SCN11A: variants seen among roughly 807,000 people sequenced by gnomAD.
SCN11A encodes the protein sodium voltage-gated channel alpha subunit 11, also known as sodium channel protein type 11 subunit alpha.
SCN11A carries 122 observed loss-of-function variants against 162.2 expected under a neutral mutation model. That is an observed-to-expected ratio of 0.75 (90% CI 0.65 to 0.87). SCN11A has a LOEUF of 0.87. SCN11A is among the 40% of genes least tolerant of loss of function. The pLI is 0.00. For missense variants in SCN11A, 2,015 were observed against 2,181.6 expected (o/e 0.92, Z 1.52); for synonymous variants, 758 against 751.5 (o/e 1.01, Z -0.14).
At position 38,948,322 on chromosome 3, in the gene SCN11A, G is replaced by T. The variant is rs140560880; in HGVS notation, c.268-1415C>A. ...CCTTTGATTTTGATATTTTATTGAT[G>T]CCTCTTCTTACTGCTTTAAATATTT... is the stretch of plus-strand genomic sequence containing the variant. On this transcript the variant is annotated intron_variant, in intron 5 of 29. Transcript: ENST00000302328. 2.7e-3 allele frequency among the ~76,000 whole-genome samples: 414 copies of T among 152,212 alleles called. 1 individual carries two copies. The highest frequency in any genetic ancestry group is 9.6e-3 in the African/African-American group (398 of 41,526).
At chr3:38,928,482 A>G (rs980971104) in intron 7 of SCN11A, among the ~76,000 whole-genome samples, 2 of 152,226 alleles carry the variant, frequency 1.3e-5, no homozygotes, top group African/African-American at 4.8e-5. Flanking sequence ...GCACACATAC[A>G]GCTATGTAAC....
chr3:38,861,275 C>T (rs566935875), intron 28 of SCN11A, among the ~76,000 whole-genome samples: 38 of 152,228 alleles, frequency 2.5e-4, no homozygotes, highest in African/African-American at 8.7e-4. Flanking sequence ...ATCCCCTGCT[C>T]ATGGATAGGT....
chr3:38,855,065 C>G (rs1381007325), intron 28 of SCN11A, among the ~76,000 whole-genome samples: 1 of 152,194 alleles, frequency 6.6e-6, no homozygotes, highest in African/African-American at 2.4e-5. Context: ...TGTGGGCAGA[C>G]AGGGAGGGAT....
chr3:38,990,653 C>A (rs1315211341), intron 2 of SCN11A, among the ~76,000 whole-genome samples: 1 of 152,136 alleles, frequency 6.6e-6, no homozygotes, highest in Admixed American at 6.5e-5. Flanking sequence ...ATGCTCTGTG[C>A]CAAATCCTGT....
At chr3:38,899,758 AGAG>A (rs1488861532) in intron 17 of SCN11A, 133 bp downstream of exon 17, 4 of 656,064 alleles carry the variant, frequency 6.1e-6, no homozygotes, top group African/African-American at 5.5e-5. Flanking sequence ...CTGTGCAGGA[AGAG>A]GAGTGCAGTT....
intron 10 of SCN11A, among the ~76,000 whole-genome samples, chr3:38,920,418 C>T (rs1490292886): frequency 6.6e-6 from 1 of 152,120 alleles, no homozygotes; most frequent in Non-Finnish European, 1.5e-5. Context: ...GTTGGCCGGG[C>T]ATGGTGGCTC....
intron 2 of SCN11A, among the ~76,000 whole-genome samples, chr3:38,993,405 C>T (rs1464476287): frequency 1.3e-5 from 2 of 152,320 alleles, no homozygotes; most frequent in African/African-American, 2.4e-5. Flanking sequence ...CAGGTTATGT[C>T]GTATAGCAGA....
chr3:39,032,953 A>G (rs940242656), intron 1 of SCN11A, among the ~76,000 whole-genome samples: 8 of 152,202 alleles, frequency 5.3e-5, no homozygotes, highest in South Asian at 2.1e-4. Context: ...GGAGTTCGAG[A>G]CCAGCCTGGC....
chr3:38,950,526 T>A, intron 4 of SCN11A, 157 bp from the exon 5 acceptor site: 1 of 686,738 alleles, frequency 1.5e-6, no homozygotes, highest in South Asian at 1.9e-5. Context: ...GCTGTGAAGA[T>A]CAGAAGAGAT....
chr3:39,021,155 G>T (rs1452566501), intron 2 of SCN11A, among the ~76,000 whole-genome samples: 2 of 152,090 alleles, frequency 1.3e-5, no homozygotes. Context: ...CACCAAGAAG[G>T]TAAGGGAAAC....
intron 23 of SCN11A, 138 bp from the exon 24 acceptor site, chr3:38,872,432 T>G: frequency 1.7e-6 from 1 of 584,674 alleles, no homozygotes; most frequent in Non-Finnish European, 3.2e-6. Flanking sequence ...GTGAAAGACA[T>G]AGAAAATCCG....
intron 2 of SCN11A, among the ~76,000 whole-genome samples, chr3:39,023,292 A>C (rs1301914678): frequency 6.6e-6 from 1 of 152,178 alleles, no homozygotes; most frequent in Non-Finnish European, 1.5e-5. Context: ...TTCCATAATA[A>C]AAAAGCATTT....
intron 2 of SCN11A, among the ~76,000 whole-genome samples, chr3:38,967,682 A>C (rs978930561): frequency 6.6e-6 from 1 of 152,206 alleles, no homozygotes; most frequent in Non-Finnish European, 1.5e-5. Context: ...TTTAGCTGGA[A>C]TCAGAGGTGG....
At chr3:38,871,347 T>G (rs1320310041) in intron 25 of SCN11A, 98 bp downstream of exon 25, 2 of 1,217,130 alleles carry the variant, frequency 1.6e-6, no homozygotes, top group Non-Finnish European at 2.3e-6. Flanking sequence ...GCTTCTATTA[T>G]CACAATGGAG....
chr3:39,033,165 AAGAG>A (rs113055240), intron 1 of SCN11A, among the ~76,000 whole-genome samples: 15,419 of 151,226 alleles, frequency 0.1, 971 homozygotes, highest in East Asian at 0.21. Context: ...AAAAAAAAAA[AAGAG>A]AGAGAGAGAG....
At chr3:39,024,501 A>G (rs2031535367) in intron 2 of SCN11A, among the ~76,000 whole-genome samples, 1 of 152,238 alleles carries the variant, frequency 6.6e-6, no homozygotes, top group Admixed American at 6.5e-5. Flanking sequence ...GCCTTAAGAG[A>G]AAAAGTTTCT....
intron 26 of SCN11A, among the ~76,000 whole-genome samples, chr3:38,868,028 G>C (rs1290658784): frequency 6.6e-6 from 1 of 152,116 alleles, no homozygotes; most frequent in Non-Finnish European, 1.5e-5. Flanking sequence ...ATGAATAAAT[G>C]ATCGAGCTCT....
At chr3:38,963,352 G>GAGATATATATATATAT (rs1196119271) in intron 2 of SCN11A, among the ~76,000 whole-genome samples, 2 of 38,286 alleles carry the variant, frequency 5.2e-5, no homozygotes, top group Admixed American at 3.8e-4. Flanking sequence ...CTATTTGATG[G>GAGATATATATATATAT]ATATATATAT....
At chr3:38,945,727 C>A (rs987559178) in intron 6 of SCN11A, among the ~76,000 whole-genome samples, 6 of 152,198 alleles carry the variant, frequency 3.9e-5, no homozygotes, top group Admixed American at 3.9e-4. Context: ...CTACACACCC[C>A]CTTCTACATG....
Sources: allele counts gnomAD v4.1 joint callset (sites outside exome capture counted in the v4.1 genomes callset), GRCh38; gene constraint gnomAD v4.1.1; transcripts MANE v1.5; gene names NCBI Gene and HGNC (gene_info 2026-07-23, HGNC 2026-07-21).